Variants in ADK observed in about 807,000 individuals in gnomAD.
ADK encodes the protein adenosine kinase, also known as N6,N6-dimethyladenosine kinase.
A neutral mutation model predicts 44.7 loss-of-function variants in ADK; 24 were observed. That is an observed-to-expected ratio of 0.54 (90% CI 0.39 to 0.76). The LOEUF is 0.76. Among genes scored for constraint, ADK ranks in the 30% least tolerant of loss-of-function variants. The pLI, the probability that ADK is intolerant of heterozygous loss-of-function variation, is 0.00. For synonymous variants in ADK, 128 were observed against 142.6 expected (o/e 0.90, Z 0.73); for missense variants, 321 against 425.1 (o/e 0.76, Z 2.15).
intron 9 of ADK, among the ~76,000 whole-genome samples, chr10:74,633,795 A>G (rs1175755371): frequency 6.6e-6 from 1 of 152,210 alleles, no homozygotes; most frequent in African/African-American, 2.4e-5. Context: ...TACATTTCCT[A>G]TTTTTATGAC....
rs1848956395 is a variant in ADK, at chr10:74,524,306, C to T, written c.556-950C>T. Among the ~76,000 whole-genome samples the T allele has an allele frequency of 2.6e-5, 4 of 152,276 alleles. No homozygotes were observed. In the South Asian group the frequency reaches 6.2e-4, roughly 24 times the overall value. The stretch of plus-strand genomic sequence containing the variant: ...TAAATATTTTTCTTTTGCATTACTG[C>T]ATTCTTTTCTCATTATTTGAAAATT... On this transcript the variant is annotated intron_variant, in intron 6 of 10. Transcript: ENST00000539909.
Position 74,518,701 on chromosome 10 carries a change from C to CT in ADK, c.556-6549dup, listed in dbSNP as rs1011282788. Among the ~76,000 whole-genome samples, 8 of 152,218 alleles carry CT rather than the reference C, an allele frequency of 5.3e-5. No homozygotes were observed. In the South Asian group the frequency reaches 6.2e-4, roughly 12 times the overall value. The stretch of plus-strand genomic sequence containing the variant: ...GTTTAAGAGATATGAGTAATCAATA[C>CT]TTTTTTATCAGAAGTGACATCTAAC... On this transcript the variant is annotated intron_variant, in intron 6 of 10. Coordinates refer to ENST00000539909, the MANE Select transcript of ADK (RefSeq NM_006721.4).
intron 3 of ADK, among the ~76,000 whole-genome samples, chr10:74,275,410 G>A (rs1846636171): frequency 6.6e-6 from 1 of 152,050 alleles, no homozygotes; most frequent in Admixed American, 6.6e-5. Context: ...TGGTTTGAGA[G>A]ACCAAAATAG....
intron 4 of ADK, among the ~76,000 whole-genome samples, chr10:74,336,371 TTGATCTATATGTC>T (rs1382836879): frequency 1.1e-4 from 17 of 152,234 alleles, no homozygotes; most frequent in Non-Finnish European, 1.2e-4. Flanking sequence ...TTCTGTTTCA[TTGATCTATATGTC>T]TCTTCTTTCT....
intron 3 of ADK, among the ~76,000 whole-genome samples, chr10:74,287,848 G>T (rs1847239424): frequency 6.6e-6 from 1 of 151,710 alleles, no homozygotes; most frequent in Non-Finnish European, 1.5e-5. Flanking sequence ...TGGGCATGGT[G>T]GTACATGCTT....
chr10:74,410,997 A>G (rs1295340207), intron 6 of ADK, among the ~76,000 whole-genome samples: 1 of 152,196 alleles, frequency 6.6e-6, no homozygotes, highest in Non-Finnish European at 1.5e-5. Context: ...TCATTGTTCC[A>G]AGTGCAGTTT....
At chr10:74,680,772 C>T (rs1443693785) in intron 10 of ADK, among the ~76,000 whole-genome samples, 1 of 152,160 alleles carries the variant, frequency 6.6e-6, no homozygotes, top group Non-Finnish European at 1.5e-5. Context: ...AAATTAGCAG[C>T]ATGATTGTCA....
intron 1 of ADK, among the ~76,000 whole-genome samples, chr10:74,189,450 C>T (rs935967820): frequency 5.9e-5 from 9 of 152,098 alleles, no homozygotes; most frequent in Non-Finnish European, 1.0e-4. Context: ...TCTCTAATTC[C>T]GCTCTGCAAT....
At chr10:74,606,384 A>G (rs567553144) in intron 9 of ADK, among the ~76,000 whole-genome samples, 3 of 152,332 alleles carry the variant, frequency 2.0e-5, no homozygotes, top group Middle Eastern at 3.4e-3. Flanking sequence ...ATTTAGTGCT[A>G]TAAATGTCCT....
Position 74,356,002 on chromosome 10 carries a change from A to ATATTGG in ADK, c.274-38138_274-38137insATTGGT, listed in dbSNP as rs57958159. 2.8e-4 allele frequency among the ~76,000 whole-genome samples: 23 copies of ATATTGG among 83,306 alleles called. 4 individuals are homozygous for ATATTGG. The highest frequency in any genetic ancestry group is 1.7e-3 in the Admixed American group (12 of 7,154). The allele number at this position is 83,306 out of a possible 152,430, so 54.7% of individuals were successfully genotyped here. A position where few individuals can be genotyped will look rare whatever the true frequency, so the allele number is the denominator to read the frequency against. On this transcript the variant is annotated intron_variant, in intron 4 of 10. Coordinates refer to ENST00000539909, the MANE Select transcript of ADK (RefSeq NM_006721.4). ...TCTGAAATATTTCACTAAATAATTC[A>ATATTGG]TTTTTTTTTTTTTTTTTTTTTTTTT...
In ADK at chr10:74,453,312, A is replaced by G. The variant is rs76871040; in HGVS notation, c.555+54733A>G. Among the ~76,000 whole-genome samples the G allele has an allele frequency of 3.9e-5, 6 of 152,210 alleles. No homozygotes were observed. In the East Asian group the frequency reaches 1.2e-3, roughly 29 times the overall value. On this transcript the variant is annotated intron_variant, in intron 6 of 10. Transcript: ENST00000539909. Reference sequence around the variant, plus strand: ...ATCCTATCTCCTTGACAATGGCTCTAATTACCTCAGCTTGGACTGATCAAT... The same window carrying G: ...ATCCTATCTCCTTGACAATGGCTCTGATTACCTCAGCTTGGACTGATCAAT...
intron 3 of ADK, among the ~76,000 whole-genome samples, chr10:74,232,787 G>A (rs1010671229): frequency 2.6e-5 from 4 of 152,004 alleles, no homozygotes; most frequent in Admixed American, 2.6e-4. Context: ...CGCCACACCC[G>A]GCTGATTTTT....
chr10:74,448,488 C>T (rs1434281106), intron 6 of ADK, among the ~76,000 whole-genome samples: 1 of 152,016 alleles, frequency 6.6e-6, no homozygotes, highest in African/African-American at 2.4e-5. Context: ...CATATAGTAT[C>T]TTGTATATAA....
chr10:74,540,329 A>C (rs1849584452), intron 7 of ADK, among the ~76,000 whole-genome samples: 1 of 152,064 alleles, frequency 6.6e-6, no homozygotes, highest in South Asian at 2.1e-4. Context: ...TATTTCTATT[A>C]ATCTTTATTT....
At chr10:74,637,863 G>T (rs1853671394) in intron 9 of ADK, among the ~76,000 whole-genome samples, 1 of 152,188 alleles carries the variant, frequency 6.6e-6, no homozygotes, top group South Asian at 2.1e-4. Flanking sequence ...TTTTAGAATT[G>T]ATATGTTTGT....
At chr10:74,423,374 T>G in intron 6 of ADK, 1 of 163,750 alleles carries the variant, frequency 6.1e-6, no homozygotes, top group Middle Eastern at 2.9e-3. Context: ...TTAGAATGGA[T>G]TCCAGTCTAG....
intron 4 of ADK, among the ~76,000 whole-genome samples, chr10:74,343,163 G>GT (rs565468578): frequency 1.6e-3 from 241 of 150,332 alleles, no homozygotes; most frequent in Non-Finnish European, 2.4e-3. Context: ...TTCTATTTCT[G>GT]TTTTTTTTTA....
intron 9 of ADK, among the ~76,000 whole-genome samples, chr10:74,646,550 T>G (rs1854060997): frequency 6.6e-6 from 1 of 152,246 alleles, no homozygotes; most frequent in African/African-American, 2.4e-5. Flanking sequence ...GAAAAAGCTA[T>G]GGTGGCCAAA....
chr10:74,601,825 G>A (rs977710431), intron 9 of ADK, among the ~76,000 whole-genome samples: 1 of 151,344 alleles, frequency 6.6e-6, no homozygotes, highest in South Asian at 2.1e-4. Flanking sequence ...GGGCACAGTG[G>A]CTCACACCTG....
Sources: gnomAD v4.1 joint callset for allele counts (sites outside exome capture counted in the v4.1 genomes callset) on GRCh38, gnomAD v4.1.1 for gene constraint, MANE v1.5 for transcripts, NCBI Gene and HGNC (gene_info 2026-07-23, HGNC 2026-07-21) for gene names.